GPR149: variants seen among roughly 807,000 people sequenced by gnomAD.
GPR149 encodes the protein G protein-coupled receptor 149, also known as probable G protein-coupled receptor 149.
GPR149 carries 50 observed loss-of-function variants against 50.2 expected under a neutral mutation model. The ratio of observed to expected loss-of-function variants is 1.00; its 90% confidence interval spans 0.79 to 1.26. The LOEUF is 1.26. Ranked by LOEUF, GPR149 falls within the 50% of genes most tolerant of loss-of-function variation. GPR149 has a pLI of 0.00. For synonymous variants in GPR149, 405 were observed against 358.2 expected, an observed-to-expected ratio of 1.13 and a Z score of -1.48; for missense variants, 983 against 895.4, an observed-to-expected ratio of 1.10 and a Z score of -1.25.
chr3:154,404,828 A>G (rs1446002980), intron 3 of GPR149, among the ~76,000 whole-genome samples: 1 of 151,678 alleles, frequency 6.6e-6, no homozygotes, highest in Non-Finnish European at 1.5e-5. Context: ...CTCATGTGAA[A>G]CATAGCAAGT....
chr3:154,341,050 G>C (rs1030439829), intron 3 of GPR149, among the ~76,000 whole-genome samples: 3 of 151,834 alleles, frequency 2.0e-5, no homozygotes, highest in African/African-American at 7.3e-5. Context: ...CTTGCTTTCT[G>C]AGTGATAAAC....
At chr3:154,392,656 A>G (rs1559983328) in intron 3 of GPR149, among the ~76,000 whole-genome samples, 1 of 151,758 alleles carries the variant, frequency 6.6e-6, no homozygotes. Flanking sequence ...TTATTTTTTG[A>G]AAGTATAAAC....
chr3:154,377,388 AC>A (rs1207632087), intron 3 of GPR149, among the ~76,000 whole-genome samples: 4 of 148,044 alleles, frequency 2.7e-5, no homozygotes, highest in Admixed American at 2.1e-4. Flanking sequence ...TATTATTATT[AC>A]TGAGTCTCAT....
intron 3 of GPR149, chr3:154,353,922 C>A (rs1714151741): frequency 1.9e-6 from 1 of 521,104 alleles, no homozygotes; most frequent in Admixed American, 2.9e-5. Flanking sequence ...TAGGAGAAAG[C>A]TCTTTCTTTC....
chr3:154,358,841 T>C (rs1456238034), intron 3 of GPR149, among the ~76,000 whole-genome samples: 12 of 152,206 alleles, frequency 7.9e-5, no homozygotes, highest in Admixed American at 3.3e-4. Context: ...TATACAGGGA[T>C]GTGCATGTCT....
Position 154,429,157 on chromosome 3 carries a change from C to G in GPR149, c.459G>C (p.Val153=). ...ASRRSGQVLG[V]VLTVWAASLL... ...GACTGGCTGCCCACACGGTCAGCAC[C>G]ACGCCGAGCACCTGGCCCGATCTTC... The change falls in exon 1 of 4, where the codon GTG becomes GTC. Residue 153 remains valine, a synonymous_variant. Transcript: ENST00000389740. The G allele has an allele frequency of 6.2e-7, 1 of 1,613,794 alleles. No homozygotes were observed. Among genetic ancestry groups the G allele is most frequent in the Non-Finnish European group, 8.5e-7 (1 of 1,179,954 alleles).
At chr3:154,409,936 A>C (rs1711789841) in intron 3 of GPR149, among the ~76,000 whole-genome samples, 2 of 152,212 alleles carry the variant, frequency 1.3e-5, no homozygotes, top group South Asian at 4.1e-4. Flanking sequence ...TCATCAGGTT[A>C]CCGAAAGTCA....
chr3:154,351,647 G>A (rs1221077343), intron 3 of GPR149, among the ~76,000 whole-genome samples: 1 of 152,180 alleles, frequency 6.6e-6, no homozygotes, highest in Non-Finnish European at 1.5e-5. Flanking sequence ...TGATGCTGAA[G>A]CTGCTGGTGT....
intron 2 of GPR149, among the ~76,000 whole-genome samples, chr3:154,423,398 G>A (rs1712200338): frequency 6.6e-6 from 1 of 151,798 alleles, no homozygotes; most frequent in Non-Finnish European, 1.5e-5. Context: ...GTCTTTATTT[G>A]AAATTGTTTT....
At chr3:154,361,278 T>C (rs1714372793) in intron 3 of GPR149, among the ~76,000 whole-genome samples, 1 of 152,176 alleles carries the variant, frequency 6.6e-6, no homozygotes, top group African/African-American at 2.4e-5. Flanking sequence ...ATTAGACACT[T>C]GCCTTCAGGG....
At chr3:154,352,220 G>T in intron 3 of GPR149, 1 of 894,892 alleles carries the variant, frequency 1.1e-6, no homozygotes, top group Non-Finnish European at 1.7e-6. Context: ...GACTTCCTGA[G>T]TGACTCCCTT....
intron 3 of GPR149, among the ~76,000 whole-genome samples, chr3:154,350,244 A>G (rs1371305097): frequency 1.3e-5 from 2 of 152,164 alleles, no homozygotes; most frequent in Non-Finnish European, 2.9e-5. Context: ...CAGACCAGAA[A>G]GGAAGAAATG....
At chr3:154,364,273 A>G (rs1415806008) in intron 3 of GPR149, among the ~76,000 whole-genome samples, 3 of 152,246 alleles carry the variant, frequency 2.0e-5, no homozygotes, top group Non-Finnish European at 4.4e-5. Context: ...GCATTAAGTT[A>G]CAACATGAGT....
At chr3:154,389,290 T>C (rs146712541) in intron 3 of GPR149, among the ~76,000 whole-genome samples, 1 of 152,092 alleles carries the variant, frequency 6.6e-6, no homozygotes, top group Admixed American at 6.5e-5. Flanking sequence ...GTCTCCTGCA[T>C]CCTGGAGCAA....
chr3:154,419,061 A>G (rs1293912845), intron 3 of GPR149, among the ~76,000 whole-genome samples: 1 of 152,012 alleles, frequency 6.6e-6, no homozygotes, highest in Non-Finnish European at 1.5e-5. Flanking sequence ...CCTTTCCAGA[A>G]TATTGTATTA....
chr3:154,352,277 G>A, intron 3 of GPR149: 2 of 836,198 alleles, frequency 2.4e-6, no homozygotes, highest in Non-Finnish European at 3.9e-6. Flanking sequence ...CACCTGACTG[G>A]CCTGACCCGC....
chr3:154,424,524 C>T (rs1322486824), intron 2 of GPR149, among the ~76,000 whole-genome samples: 1 of 151,690 alleles, frequency 6.6e-6, no homozygotes, highest in Non-Finnish European at 1.5e-5. Context: ...TTTTATATCA[C>T]TAAAAAAATA....
intron 3 of GPR149, among the ~76,000 whole-genome samples, chr3:154,373,355 T>C (rs1714711126): frequency 6.6e-6 from 1 of 152,106 alleles, no homozygotes; most frequent in Admixed American, 6.5e-5. Context: ...GCTACTAAAA[T>C]GGAATCAATG....
At chr3:154,346,963 C>T (rs941279072) in intron 3 of GPR149, among the ~76,000 whole-genome samples, 3 of 152,066 alleles carry the variant, frequency 2.0e-5, no homozygotes, top group African/African-American at 7.2e-5. Flanking sequence ...TGATATCCAT[C>T]CCCCAAAATA....
Sources: allele counts gnomAD v4.1 joint callset (sites outside exome capture counted in the v4.1 genomes callset), GRCh38; gene constraint gnomAD v4.1.1; transcripts MANE v1.5; gene names NCBI Gene and HGNC (gene_info 2026-07-23, HGNC 2026-07-21).